PCDH7: variants seen among roughly 807,000 people sequenced by gnomAD.
PCDH7 encodes the protein protocadherin-7.
PCDH7 carries 17 observed loss-of-function variants against 58.9 expected under a neutral mutation model. The observed-to-expected ratio is 0.29, with a 90% CI of 0.20 to 0.43. PCDH7 has a LOEUF of 0.43. Ranked by LOEUF, PCDH7 falls within the 20% of genes least tolerant of loss-of-function variation. The pLI is 1.00. For synonymous variants in PCDH7, 664 were observed against 616.4 expected, an observed-to-expected ratio of 1.08 and a Z score of -1.14; for missense variants, 1,274 against 1,441.0, an observed-to-expected ratio of 0.88 and a Z score of 1.88.
chr4:30,969,356 C>T (rs1234974046), intron 3 of PCDH7, among the ~76,000 whole-genome samples: 1 of 147,410 alleles, frequency 6.8e-6, no homozygotes, highest in Non-Finnish European at 1.5e-5. Context: ...GATTTTGTCT[C>T]TTTTTTTTTT....
intron 3 of PCDH7, among the ~76,000 whole-genome samples, chr4:31,086,335 A>T (rs1712429508): frequency 6.6e-6 from 1 of 152,202 alleles, no homozygotes; most frequent in Admixed American, 6.5e-5. Context: ...AAAACTTTTC[A>T]GTCGATGATG....
At chr4:30,766,325 T>G (rs775667471) in intron 1 of PCDH7, among the ~76,000 whole-genome samples, 1 of 151,996 alleles carries the variant, frequency 6.6e-6, no homozygotes, top group Non-Finnish European at 1.5e-5. Flanking sequence ...AGCCCAGGAG[T>G]TTGAGACCAA....
chr4:31,139,953 T>A (rs187515934), intron 3 of PCDH7, among the ~76,000 whole-genome samples: 4 of 152,268 alleles, frequency 2.6e-5, no homozygotes, highest in African/African-American at 7.2e-5. Flanking sequence ...GCAGCTTGCA[T>A]GTATATGATG....
intron 2 of PCDH7, among the ~76,000 whole-genome samples, chr4:30,934,408 G>A (rs371732888): frequency 3.9e-5 from 6 of 152,032 alleles, no homozygotes; most frequent in African/African-American, 1.4e-4. Flanking sequence ...TTTTTCTGAA[G>A]TTTTTTGAAA....
At chr4:30,967,367 T>C (rs1749086685) in intron 3 of PCDH7, among the ~76,000 whole-genome samples, 2 of 152,186 alleles carry the variant, frequency 1.3e-5, no homozygotes. Flanking sequence ...TAGAATTTTC[T>C]ACATATTTAG....
intron 3 of PCDH7, among the ~76,000 whole-genome samples, chr4:30,992,571 G>A (rs567588794): frequency 2.6e-5 from 4 of 152,196 alleles, no homozygotes; most frequent in African/African-American, 9.6e-5. Context: ...TTCAGATGGG[G>A]CTAATTTCTT....
Position 30,723,305 on chromosome 4 carries a change from A to G in PCDH7, c.1883A>G (p.Gln628Arg). The G allele has an allele frequency of 6.2e-7, 1 of 1,614,258 alleles. No individual in the cohort carries two copies. Residue 628 changes from glutamine (Q) to arginine (R), a missense_variant, in exon 1 of 2, where the codon CAG becomes CGG. This residue lies in a region of PCDH7 where 731 missense variants were observed against 881.9 expected (regional missense o/e 0.83). Coordinates refer to ENST00000361762, the Ensembl canonical transcript of PCDH7. The surrounding 1 kb of genome is among the most constrained non-coding windows in gnomAD (Gnocchi z 4.6). Reference sequence around the variant, plus strand: ...CAGGGCAGCACTACGGTGATTGTGCAGGTGGCTGATAAAAATGACAATGAC... The same window carrying G: ...CAGGGCAGCACTACGGTGATTGTGCGGGTGGCTGATAAAAATGACAATGAC...
intron 1 of PCDH7, chr4:30,868,888 CT>C (rs1735198545): frequency 6.6e-6 from 1 of 152,008 alleles, no homozygotes; most frequent in Non-Finnish European, 1.5e-5. Context: ...ATATTTTTGT[CT>C]TTACTTGTTG....
intron 1 of PCDH7, among the ~76,000 whole-genome samples, chr4:30,902,663 ATATC>A (rs10606687): frequency 0.041 from 6,264 of 152,104 alleles, 424 homozygotes; most frequent in African/African-American, 0.14. Context: ...GAAAATGCCC[ATATC>A]TATAAACTTT....
At chr4:30,854,751 G>A (rs34884212) in intron 1 of PCDH7, among the ~76,000 whole-genome samples, 23,853 of 151,932 alleles carry the variant, frequency 0.16, 2,432 homozygotes, top group East Asian at 0.35. Flanking sequence ...TACAGTTGTT[G>A]TTGGTTACCA....
At chr4:30,768,118 TCTCA>T (rs1481993424) in intron 1 of PCDH7, among the ~76,000 whole-genome samples, 17 of 152,206 alleles carry the variant, frequency 1.1e-4, no homozygotes, top group Admixed American at 2.0e-4. Flanking sequence ...GATAAAATGT[TCTCA>T]CTCTATGTAA....
At chr4:30,912,951 T>C (rs767762128) in intron 1 of PCDH7, among the ~76,000 whole-genome samples, 4 of 151,990 alleles carry the variant, frequency 2.6e-5, no homozygotes, top group Non-Finnish European at 4.4e-5. Flanking sequence ...TTTGCTTTTA[T>C]GATGTGATGG....
intron 3 of PCDH7, among the ~76,000 whole-genome samples, chr4:31,077,644 G>C (rs1759119814): frequency 6.6e-6 from 1 of 152,132 alleles, no homozygotes; most frequent in Admixed American, 6.6e-5. Context: ...GGGAGGTATG[G>C]GAGGTGGATA....
rs149894341 is a variant in PCDH7 at position 31,106,700 on chromosome 4, T to C, written c.*8-35773T>C. Among the ~76,000 whole-genome samples the C allele has an allele frequency of 6.3e-3, 956 of 152,260 alleles. 7 individuals carry two copies. Among genetic ancestry groups the C allele is most frequent in the African/African-American group, 0.021 (889 of 41,550 alleles). On this transcript the variant is annotated intron_variant, in intron 3 of 3. Transcript: ENST00000509759. ...TATTTCACATCAGTTATCATGAAAT[T>C]ATTCATAACAGGAAAACAATACTGG...
At chr4:30,954,994 C>G (rs1034905306) in intron 3 of PCDH7, among the ~76,000 whole-genome samples, 1 of 152,108 alleles carries the variant, frequency 6.6e-6, no homozygotes, top group Non-Finnish European at 1.5e-5. Context: ...GACTGAGTGG[C>G]ATGGAGTGCT....
chr4:30,924,749 C>T (rs898859460), intron 2 of PCDH7, among the ~76,000 whole-genome samples: 2 of 150,990 alleles, frequency 1.3e-5, no homozygotes, highest in Non-Finnish European at 2.9e-5. Context: ...ATGATTAAGA[C>T]ATTTCACAAT....
At chr4:31,048,795 T>G (rs2109216636) in intron 3 of PCDH7, among the ~76,000 whole-genome samples, 1 of 152,162 alleles carries the variant, frequency 6.6e-6, no homozygotes, top group Admixed American at 6.6e-5. Context: ...AAATCGCACT[T>G]AACCCACTGC....
intron 1 of PCDH7, among the ~76,000 whole-genome samples, chr4:30,820,097 A>G (rs1728194103): frequency 6.6e-6 from 1 of 152,180 alleles, no homozygotes; most frequent in African/African-American, 2.4e-5. Context: ...AGGTAACTCA[A>G]TGATAGGAAA....
At chr4:31,077,532 G>A (rs779218521) in intron 3 of PCDH7, among the ~76,000 whole-genome samples, 8 of 152,126 alleles carry the variant, frequency 5.3e-5, no homozygotes, top group Admixed American at 3.3e-4. Context: ...GAAGAGAGTA[G>A]TAGACAAATC....
Sources: gnomAD v4.1 joint callset for allele counts (sites outside exome capture counted in the v4.1 genomes callset) on GRCh38, gnomAD v4.1.1 for gene constraint, gnomAD v4.1.1 regional missense constraint, Gnocchi (gnomAD v3.1) non-coding constraint, MANE v1.5 for transcripts, NCBI Gene and HGNC (gene_info 2026-07-23, HGNC 2026-07-21) for gene names.